The following NIPSNAP2 variants were observed in gnomAD, a reference collection of about 807,000 sequenced individuals.
The protein encoded by NIPSNAP2 is protein NipSnap homolog 2.
In NIPSNAP2, 42 loss-of-function variants were observed where a neutral mutation model predicts 48.4. That is an observed-to-expected ratio of 0.87 (90% CI 0.68 to 1.12). NIPSNAP2 has a LOEUF of 1.12. NIPSNAP2 is among the 50% of genes most tolerant of loss of function. NIPSNAP2 has a pLI of 0.00. For missense variants in NIPSNAP2, 314 were observed against 347.3 expected, an observed-to-expected ratio of 0.90 and a Z score of 0.76; for synonymous variants, 158 against 126.6, an observed-to-expected ratio of 1.25 and a Z score of -1.67.
chr7:55,982,116 T>C (rs984375337), intron 4 of NIPSNAP2, 94 bp from the exon 5 acceptor site: 2 of 724,782 alleles, frequency 2.8e-6, no homozygotes, highest in African/African-American at 1.8e-5. Flanking sequence ...GCCTACAGTT[T>C]TGTGCTGTGT....
intron 7 of NIPSNAP2, among the ~76,000 whole-genome samples, chr7:55,989,666 T>C (rs1385163361): frequency 6.6e-6 from 1 of 151,940 alleles, no homozygotes; most frequent in African/African-American, 2.4e-5. Flanking sequence ...GAATAAATTA[T>C]TGACCATTGG....
At position 55,978,386 on chromosome 7, in the gene NIPSNAP2, A is replaced by G. The variant is rs750677147; in HGVS notation, c.269A>G (p.Asn90Ser). The change falls in exon 3 of 10, where the codon AAC becomes AGC. Residue 90 changes from asparagine (N) to serine (S), a missense_variant. Asn to Ser is a conservative substitution (Grantham distance 46). Transcript: ENST00000322090. ...AAACCGGAATGCCTAGAAGCATACA[A>G]CAAAATTTGGTGTGTATACCAAACT... ...NVKPECLEAY[N>S]KICQEVLPKI... 3 of 1,611,786 alleles carry G rather than the reference A, an allele frequency of 1.9e-6. No homozygotes were observed. The highest frequency in any genetic ancestry group is 2.5e-6 in the Non-Finnish European group (3 of 1,179,162).
chr7:55,995,743 G>A (rs1394380859), intron 8 of NIPSNAP2, among the ~76,000 whole-genome samples: 1 of 152,194 alleles, frequency 6.6e-6, no homozygotes, highest in East Asian at 1.9e-4. Flanking sequence ...CCTCCCAGAT[G>A]CAGGATCCTG....
intron 9 of NIPSNAP2, among the ~76,000 whole-genome samples, chr7:55,997,755 CAAAT>C (rs1236084133): frequency 1.3e-5 from 2 of 152,122 alleles, no homozygotes; most frequent in African/African-American, 2.4e-5. Flanking sequence ...ACTTATTACA[CAAAT>C]AAAATTTTTT....
Position 55,999,190 on chromosome 7 carries a change from C to T in NIPSNAP2, c.*118C>T, listed in dbSNP as rs752028866. 1.5e-4 allele frequency: 117 copies of T among 784,620 alleles called. No homozygotes were observed. Among genetic ancestry groups the T allele is most frequent in the Middle Eastern group, 4.7e-4 (2 of 4,284 alleles). 48.6% of individuals were successfully genotyped at this position (784,620 alleles called of 1,614,324 possible). A position where few individuals can be genotyped will look rare whatever the true frequency, so the allele number is the denominator to read the frequency against. ...TGAGGTTTTAAGCTGCTGTATATAG[C>T]TTGTGAGAAACCTCTTTTCTTTAAA... On this transcript the variant is annotated 3_prime_UTR_variant, in exon 10 of 10. Transcript: ENST00000322090.
chr7:55,969,003 C>T (rs1014478241), intron 1 of NIPSNAP2, among the ~76,000 whole-genome samples: 4 of 150,316 alleles, frequency 2.7e-5, no homozygotes, highest in African/African-American at 7.4e-5. Flanking sequence ...GCCGAGATCG[C>T]GCCACTGCCC....
At chr7:55,989,535 A>G (rs1787400355) in intron 7 of NIPSNAP2, among the ~76,000 whole-genome samples, 1 of 152,036 alleles carries the variant, frequency 6.6e-6, no homozygotes, top group Admixed American at 6.6e-5. Flanking sequence ...CTGAGCAGGA[A>G]GATCACTTGA....
chr7:55,998,152 C>G (rs1178766751), intron 9 of NIPSNAP2, among the ~76,000 whole-genome samples: 1 of 151,892 alleles, frequency 6.6e-6, no homozygotes, highest in Non-Finnish European at 1.5e-5. Flanking sequence ...AAACCTGTCT[C>G]CATTTGAGAG....
chr7:55,985,006 G>T, intron 7 of NIPSNAP2, 128 bp downstream of exon 7: 1 of 662,526 alleles, frequency 1.5e-6, no homozygotes, highest in South Asian at 2.1e-5. Context: ...TGTTTCGTTT[G>T]ATGTTTTTAT....
chr7:55,975,267 C>G (rs551986385), intron 1 of NIPSNAP2, among the ~76,000 whole-genome samples: 1 of 151,940 alleles, frequency 6.6e-6, no homozygotes, highest in South Asian at 2.1e-4. Flanking sequence ...GTGGGGGAAT[C>G]GTTTGAGCTC....
intron 5 of NIPSNAP2, among the ~76,000 whole-genome samples, chr7:55,983,113 ACT>A (rs1787255289): frequency 6.6e-6 from 1 of 152,026 alleles, no homozygotes; most frequent in South Asian, 2.1e-4. Context: ...GCAGAGTGAG[ACT>A]CTGCCTCAAA....
intron 9 of NIPSNAP2, among the ~76,000 whole-genome samples, chr7:55,998,309 C>G (rs1002694040): frequency 1.3e-5 from 2 of 151,702 alleles, no homozygotes; most frequent in Admixed American, 1.3e-4. Context: ...GTAATTTGTC[C>G]TAGAAAGTAG....
intron 1 of NIPSNAP2, among the ~76,000 whole-genome samples, chr7:55,974,081 C>T (rs1208412096): frequency 1.3e-5 from 2 of 151,730 alleles, no homozygotes; most frequent in African/African-American, 2.4e-5. Flanking sequence ...AAAGATTAGC[C>T]GGATGTGGTG....
intron 3 of NIPSNAP2, chr7:55,980,624 T>C (rs1294915565): frequency 6.6e-6 from 1 of 152,184 alleles, no homozygotes; most frequent in Admixed American, 6.6e-5. Flanking sequence ...TCCCTTTGCC[T>C]TTCCCTGTAC....
chr7:55,996,281 G>A (rs1157523800), intron 8 of NIPSNAP2, among the ~76,000 whole-genome samples: 5 of 125,882 alleles, frequency 4.0e-5, no homozygotes, highest in African/African-American at 5.6e-5. Context: ...GCAAGACTCC[G>A]TCTCAAAAAA....
intron 4 of NIPSNAP2, chr7:55,981,807 C>T (rs1787221250): frequency 4.7e-6 from 2 of 426,580 alleles, no homozygotes; most frequent in Non-Finnish European, 8.4e-6. Flanking sequence ...TGGGGCATTA[C>T]AGTTTTTTTG....
chr7:55,975,620 ATTACT>A (rs1584341224), intron 1 of NIPSNAP2, among the ~76,000 whole-genome samples: 2 of 152,184 alleles, frequency 1.3e-5, no homozygotes, highest in Non-Finnish European at 2.9e-5. Flanking sequence ...TGCTGGTTAC[ATTACT>A]TTAGGCATTT....
At chr7:55,981,658 T>C in intron 4 of NIPSNAP2, 91 bp downstream of exon 4, 1 of 765,280 alleles carries the variant, frequency 1.3e-6, no homozygotes, top group Middle Eastern at 2.4e-4. Context: ...GTTCTTATCA[T>C]CAAAGCTTTC....
intron 6 of NIPSNAP2, 111 bp downstream of exon 6, chr7:55,983,979 T>TTATATGTATA (rs60298274): frequency 0.62 from 357,511 of 578,446 alleles, 128,679 homozygotes; most frequent in Non-Finnish European, 0.64. Flanking sequence ...ATGTCTAGCA[T>TTATATGTATA]TATATGTATA....
Sources: allele counts gnomAD v4.1 joint callset (sites outside exome capture counted in the v4.1 genomes callset), GRCh38; gene constraint gnomAD v4.1.1; transcripts MANE v1.5; gene names NCBI Gene and HGNC (gene_info 2026-07-23, HGNC 2026-07-21).